The following CPNE1 variants were observed in gnomAD, a reference collection of about 807,000 sequenced individuals.
CPNE1 encodes copine 1.
A neutral mutation model predicts 63.2 loss-of-function variants in CPNE1; 58 were observed. The observed-to-expected ratio is 0.92, with a 90% CI of 0.74 to 1.14. The LOEUF is 1.14. CPNE1 is among the 50% of genes most tolerant of loss of function. The pLI, the probability that CPNE1 is intolerant of heterozygous loss-of-function variation, is 0.00. For synonymous variants in CPNE1, 237 were observed against 249.0 expected (o/e 0.95, Z 0.45); for missense variants, 672 against 661.7 (o/e 1.02, Z -0.17).
In CPNE1 at chr20:35,631,791, C is replaced by G; in HGVS notation, c.538-14G>C. On this transcript the variant is annotated splice_polypyrimidine_tract_variant and intron_variant, in intron 6 of 15. Coordinates refer to ENST00000397443, the MANE Select transcript of CPNE1 (RefSeq NM_152925.3). ...GTTCTTGATGACCTGAAGGTGGAGGCCAAGGCCTCCAGTGAGCTCTGGCAT... is the reference window on the plus strand; with the variant it reads ...GTTCTTGATGACCTGAAGGTGGAGGGCAAGGCCTCCAGTGAGCTCTGGCAT... 1 of 1,609,726 alleles carries G rather than the reference C, an allele frequency of 6.2e-7. No individual in the cohort carries two copies. Among genetic ancestry groups the G allele is most frequent in the Non-Finnish European group, 8.5e-7 (1 of 1,176,584 alleles).
At chr20:35,655,434 C>T in intron 1 of CPNE1, 4 of 1,104,010 alleles carry the variant, frequency 3.6e-6, no homozygotes, top group Non-Finnish European at 5.1e-6. Context: ...CCATATTAGG[C>T]CCTCAAATAT....
chr20:35,631,801 C>T (rs1422554094), intron 6 of CPNE1, 24 bp from the exon 7 acceptor site: 2 of 1,602,390 alleles, frequency 1.2e-6, no homozygotes, highest in Non-Finnish European at 1.7e-6. Flanking sequence ...CCAAGGCCTC[C>T]AGTGAGCTCT....
chr20:35,653,205 G>A (rs1568934654), intron 1 of CPNE1: 3 of 1,613,530 alleles, frequency 1.9e-6, no homozygotes, highest in Non-Finnish European at 2.5e-6. Context: ...CAGTCAGGAA[G>A]GCATGCTCTT....
chr20:35,660,812 T>C (rs2034191786), intron 1 of CPNE1, among the ~76,000 whole-genome samples: 2 of 152,256 alleles, frequency 1.3e-5, no homozygotes, highest in East Asian at 3.9e-4. Context: ...GGTAAGAAGG[T>C]TCCTCTCAGC....
rs1248570753 is a variant in CPNE1, at chr20:35,632,940, T to C, written c.1-17A>G. On this transcript the variant is annotated splice_polypyrimidine_tract_variant and intron_variant, in intron 1 of 15. Coordinates refer to ENST00000397443, the MANE Select transcript of CPNE1 (RefSeq NM_152925.3). ...GTGGGCCATCTGAGGGAAAAGGAGC[T>C]GGGTCAAGCACCAGGGAGCCTTCTC... is the stretch of plus-strand genomic sequence containing the variant. 2 of 867,008 alleles carry C rather than the reference T, an allele frequency of 2.3e-6. No individual in the cohort carries two copies. The highest frequency in any genetic ancestry group is 1.6e-5 in the African/African-American group (1 of 61,220). The allele number at this position is 867,008 out of a possible 1,614,324, so 53.7% of individuals were successfully genotyped here.
At chr20:35,631,377 G>T in intron 8 of CPNE1, 23 bp from the exon 9 acceptor site, 1 of 1,612,544 alleles carries the variant, frequency 6.2e-7, no homozygotes, top group South Asian at 1.1e-5. Context: ...GAAAAATTAG[G>T]GTAGGAAATT....
intron 1 of CPNE1, chr20:35,654,904 A>C: frequency 6.2e-7 from 1 of 1,614,088 alleles, no homozygotes; most frequent in Non-Finnish European, 8.5e-7. Context: ...GCTTTCATGA[A>C]CAGAAGTGGT....
rs12481228 is a variant in CPNE1, at chr20:35,630,751, G to C, written c.1040C>G (p.Pro347Arg). ...AGAGAGGGAGCTCACCTGCCAGTCAGGGGGAACCTGGGCCCCAAATCCAAA... is the reference window on the plus strand; with the variant it reads ...AGAGAGGGAGCTCACCTGCCAGTCACGGGGAACCTGGGCCCCAAATCCAAA... ...PAFGFGAQVPPDWQVSHEFAL... is the reference protein window; with the variant it reads ...PAFGFGAQVPRDWQVSHEFAL... The change falls in exon 12 of 16, where the codon CCT becomes CGT. Residue 347 changes from proline (P) to arginine (R), a missense_variant. Physicochemically the swap from Pro to Arg is moderately radical, Grantham distance 103. Coordinates refer to ENST00000397443, the MANE Select transcript of CPNE1 (RefSeq NM_152925.3). 0.1 allele frequency: 166,977 copies of C among 1,613,660 alleles called. 9,004 individuals carry two copies. The highest frequency in any genetic ancestry group is 0.16 in the South Asian group (14,264 of 91,070).
intron 1 of CPNE1, among the ~76,000 whole-genome samples, chr20:35,655,800 CAA>C (rs1454622102): frequency 1.3e-5 from 2 of 152,220 alleles, no homozygotes; most frequent in South Asian, 2.1e-4. Context: ...ATAGAATTAT[CAA>C]GAGTGTGATT....
chr20:35,652,704 T>TA, intron 1 of CPNE1: 1 of 1,614,140 alleles, frequency 6.2e-7, no homozygotes, highest in Non-Finnish European at 8.5e-7. Flanking sequence ...AAAAGAAATC[T>TA]AAAATCTCAT....
chr20:35,653,251 C>G (rs2033660966), intron 1 of CPNE1: 1 of 1,613,498 alleles, frequency 6.2e-7, no homozygotes, highest in Admixed American at 1.7e-5. Context: ...ACTGGGCATT[C>G]CCGCACCAGG....
At chr20:35,653,574 T>C in intron 1 of CPNE1, 1 of 1,614,246 alleles carries the variant, frequency 6.2e-7, no homozygotes, top group East Asian at 2.2e-5. Flanking sequence ...GTCCTAGACC[T>C]TGCCCATTGT....
intron 1 of CPNE1, among the ~76,000 whole-genome samples, chr20:35,658,632 G>C (rs2034044502): frequency 6.6e-6 from 1 of 151,964 alleles, no homozygotes; most frequent in Admixed American, 6.6e-5. Flanking sequence ...ATGGTGGCAG[G>C]CGCCTGTAAT....
chr20:35,640,963 T>C (rs1414990785), intron 1 of CPNE1, among the ~76,000 whole-genome samples: 1 of 152,216 alleles, frequency 6.6e-6, no homozygotes, highest in African/African-American at 2.4e-5. Flanking sequence ...GTGTTGCGAA[T>C]GGAACAGCTG....
At chr20:35,635,798 C>T (rs1310077989) in intron 1 of CPNE1, among the ~76,000 whole-genome samples, 1 of 152,220 alleles carries the variant, frequency 6.6e-6, no homozygotes, top group Non-Finnish European at 1.5e-5. Context: ...GCCCACAGCA[C>T]CTCATCTTGG....
chr20:35,641,889 G>A (rs1489336563), intron 1 of CPNE1, among the ~76,000 whole-genome samples: 3 of 152,230 alleles, frequency 2.0e-5, no homozygotes. Flanking sequence ...CAAGTCTGCA[G>A]CAGTGTGCTG....
At position 35,632,454 on chromosome 20, in the gene CPNE1, C is replaced by CA; in HGVS notation, c.309+62dup. The CA allele has an allele frequency of 3.7e-6, 6 of 1,601,930 alleles. 1 individual carries two copies. The highest frequency in any genetic ancestry group is 4.5e-5 in the East Asian group (2 of 44,824). On this transcript the variant is annotated intron_variant, in intron 3 of 15. Transcript: ENST00000397443. ...TTAGGTCCTGCTTGCCCCCTACCTC[C>CA]AGGCAGGCTAGGTTGTCTCACAGAC...
At chr20:35,643,378 T>A (rs2032926874) in intron 1 of CPNE1, 1 of 152,202 alleles carries the variant, frequency 6.6e-6, no homozygotes, top group South Asian at 2.1e-4. Flanking sequence ...AAAAGCAGGA[T>A]AGGACTGTAG....
At chr20:35,641,539 G>A (rs896179906) in intron 1 of CPNE1, among the ~76,000 whole-genome samples, 1 of 152,176 alleles carries the variant, frequency 6.6e-6, no homozygotes. Flanking sequence ...TTCCTCAGGT[G>A]TAAACTGGGG....
Sources: allele counts gnomAD v4.1 joint callset (sites outside exome capture counted in the v4.1 genomes callset), GRCh38; gene constraint gnomAD v4.1.1; transcripts MANE v1.5; gene names NCBI Gene and HGNC (gene_info 2026-07-23, HGNC 2026-07-21).